PCDHGA5: variants seen among roughly 807,000 people sequenced by gnomAD.
The protein encoded by PCDHGA5 is protocadherin gamma-A5.
PCDHGA5 carries 36 observed loss-of-function variants against 56.7 expected under a neutral mutation model. The observed-to-expected ratio is 0.64, with a 90% confidence interval of 0.49 to 0.84. The LOEUF (loss-of-function observed/expected upper bound fraction) is 0.84, where lower values mean the gene tolerates loss of function less well. Ranked by LOEUF, PCDHGA5 falls within the 40% of genes least tolerant of loss-of-function variation. The pLI is 0.00. For missense variants in PCDHGA5, 1,305 were observed against 1,201.5 expected, an observed-to-expected ratio of 1.09 and a Z score of -1.27; for synonymous variants, 563 against 520.2, an observed-to-expected ratio of 1.08 and a Z score of -1.12.
rs1390441638 is a variant in PCDHGA5, at chr5:141,432,562, C to T, written c.2422-62245C>T. 1.9e-6 allele frequency: 3 copies of T among 1,613,964 alleles called. No individual in the cohort carries two copies. Among genetic ancestry groups the T allele is most frequent in the Non-Finnish European group, 2.5e-6 (3 of 1,180,004 alleles). On this transcript the variant is annotated intron_variant, in intron 1 of 3. Coordinates refer to ENST00000518069, the MANE Select transcript of PCDHGA5 (RefSeq NM_018918.3). This position sits in a 1 kb window ranked among gnomAD's most constrained non-coding sequence, Gnocchi z 6.0. ...CGGTGGACAGAGACTCCGGCCAGAA[C>T]GCCTGGCTGTCCTACCGTCTGCTCA...
intron 2 of PCDHGA5, among the ~76,000 whole-genome samples, chr5:141,498,828 G>C (rs2099786098): frequency 6.6e-6 from 1 of 152,092 alleles, no homozygotes; most frequent in Non-Finnish European, 1.5e-5. Flanking sequence ...AGCTACTCAG[G>C]AGGCTGAGGC....
intron 1 of PCDHGA5, chr5:141,426,610 C>G (rs1376781969): frequency 2.6e-6 from 1 of 382,832 alleles, no homozygotes; most frequent in Non-Finnish European, 5.3e-6. Context: ...GAGATTGTAG[C>G]AGAGAATCCT....
intron 1 of PCDHGA5, among the ~76,000 whole-genome samples, 184 bp from the exon 2 acceptor site, chr5:141,494,623 C>A (rs2099755716): frequency 6.6e-6 from 1 of 152,146 alleles, no homozygotes; most frequent in Non-Finnish European, 1.5e-5. Flanking sequence ...GTTTCTGGTA[C>A]CTCAGACCTC....
chr5:141,389,749 G>C (rs1361443182), intron 1 of PCDHGA5: 1 of 1,612,740 alleles, frequency 6.2e-7, no homozygotes, highest in South Asian at 1.1e-5. Context: ...CTGCGCACGG[G>C]CGAAGTGCGC....
chr5:141,444,281 C>T (rs1256106299), intron 1 of PCDHGA5, among the ~76,000 whole-genome samples: 1 of 146,976 alleles, frequency 6.8e-6, no homozygotes, highest in African/African-American at 2.5e-5. Context: ...AAGTGATTCT[C>T]CTGCCTCAGC....
intron 1 of PCDHGA5, among the ~76,000 whole-genome samples, chr5:141,433,809 C>A (rs913637407): frequency 5.3e-5 from 8 of 149,948 alleles, no homozygotes; most frequent in Non-Finnish European, 1.2e-4. Flanking sequence ...TGCACTCCAG[C>A]CTGGGCAACA....
rs61612330 is a variant in PCDHGA5 at position 141,454,796 on chromosome 5, A to ATTTTTTTTTTTTTTTT, written c.2422-39997_2422-39982dup. Among the ~76,000 whole-genome samples the ATTTTTTTTTTTTTTTT allele has an allele frequency of 1.2e-3, 96 of 77,456 alleles. 8 individuals are homozygous for ATTTTTTTTTTTTTTTT. The highest frequency in any genetic ancestry group is 2.0e-3 in the South Asian group (4 of 1,960). 50.8% of individuals were successfully genotyped at this position (77,456 alleles called of 152,430 possible). A position where few individuals can be genotyped will look rare whatever the true frequency, so the allele number is the denominator to read the frequency against. ...AAGGAAATAATCCTCCATGGTTCTA[A>ATTTTTTTTTTTTTTTT]TTTTTTTTTTTTTTTTTTTTTTTTT... On this transcript the variant is annotated intron_variant, in intron 1 of 3. Coordinates refer to ENST00000518069, the MANE Select transcript of PCDHGA5 (RefSeq NM_018918.3).
Position 141,432,059 on chromosome 5 carries a change from A to T in PCDHGA5, c.2422-62748A>T. On this transcript the variant is annotated intron_variant, in intron 1 of 3. Transcript: ENST00000518069. This position sits in a 1 kb window ranked among gnomAD's most constrained non-coding sequence, Gnocchi z 6.0. ...TGACCGGGGAACCCCGCCCCTATCC[A>T]CGGAAACTCATATCTCGCTGAACGT... The T allele has an allele frequency of 6.2e-7, 1 of 1,614,170 alleles. No homozygotes were observed. Among genetic ancestry groups the T allele is most frequent in the Non-Finnish European group, 8.5e-7 (1 of 1,180,030 alleles).
Position 141,511,579 on chromosome 5 carries a change from G to T in PCDHGA5, c.*406G>T. The T allele has an allele frequency of 3.6e-6, 1 of 280,798 alleles. No individual in the cohort carries two copies. Among genetic ancestry groups the T allele is most frequent in the South Asian group, 4.1e-5 (1 of 24,614 alleles). 17.4% of individuals were successfully genotyped at this position (280,798 alleles called of 1,614,324 possible). On this transcript the variant is annotated 3_prime_UTR_variant, in exon 4 of 4. Transcript: ENST00000518069. Reference sequence around the variant, plus strand: ...CCTCTTTCCCGAGTAAGGTGGTTGGGGTGTTGAAGTACCAAGTAACCTACA... The same window carrying T: ...CCTCTTTCCCGAGTAAGGTGGTTGGTGTGTTGAAGTACCAAGTAACCTACA...
rs2097403311 is a variant in PCDHGA5 at position 141,431,640 on chromosome 5, T to C, written c.2422-63167T>C. 6.2e-7 allele frequency: 1 copy of C among 1,614,094 alleles called. No individual in the cohort carries two copies. The highest frequency in any genetic ancestry group is 8.5e-7 in the Non-Finnish European group (1 of 1,180,040). On this transcript the variant is annotated intron_variant, in intron 1 of 3. Coordinates refer to ENST00000518069, the MANE Select transcript of PCDHGA5 (RefSeq NM_018918.3). This position sits in a 1 kb window ranked among gnomAD's most constrained non-coding sequence, Gnocchi z 4.8. ...GACAAGGCGGCCCAAGTTTTCAAACTAGATTGTAATTCAGGGACAATATCA... is the reference window on the plus strand; with the variant it reads ...GACAAGGCGGCCCAAGTTTTCAAACCAGATTGTAATTCAGGGACAATATCA...
At chr5:141,413,605 G>A in intron 1 of PCDHGA5, 1 of 1,613,854 alleles carries the variant, frequency 6.2e-7, no homozygotes, top group Non-Finnish European at 8.5e-7. Flanking sequence ...AAATCTAGAC[G>A]TAAAAATTAA....
rs763321545 is a variant in PCDHGA5 at position 141,389,799 on chromosome 5, C to A, written c.2421+23048C>A. 1.2e-5 allele frequency: 19 copies of A among 1,613,678 alleles called. No individual in the cohort carries two copies. The South Asian group carries it at 1.9e-4, about 16-fold the overall frequency. On this transcript the variant is annotated intron_variant, in intron 1 of 3. Transcript: ENST00000518069. ...AGGCGACAGGGACGCCGTCCGCCAG[C>A]GCCTTCTGGTCGCCGTGCGTGACGG...
At chr5:141,478,788 T>A (rs576491824) in intron 1 of PCDHGA5, 147 of 1,473,736 alleles carry the variant, frequency 1.0e-4, no homozygotes, top group Non-Finnish European at 1.3e-4. Context: ...CTAATTCACA[T>A]CCTCAGCACT....
intron 2 of PCDHGA5, among the ~76,000 whole-genome samples, chr5:141,498,039 A>G (rs2099781185): frequency 6.6e-6 from 1 of 152,264 alleles, no homozygotes; most frequent in Non-Finnish European, 1.5e-5. Flanking sequence ...CCAAATAATT[A>G]CAAAAATAAA....
chr5:141,423,253 C>G (rs750278899), intron 1 of PCDHGA5: 1 of 1,613,916 alleles, frequency 6.2e-7, no homozygotes, highest in Admixed American at 1.7e-5. Flanking sequence ...CCTGGCGGAC[C>G]TCGGCAGCCT....
Position 141,431,241 on chromosome 5 carries a change from A to T in PCDHGA5, c.2422-63566A>T. On this transcript the variant is annotated intron_variant, in intron 1 of 3. Coordinates refer to ENST00000518069, the MANE Select transcript of PCDHGA5 (RefSeq NM_018918.3). This position sits in a 1 kb window ranked among gnomAD's most constrained non-coding sequence, Gnocchi z 4.8. ...CCTCTACCCCACGCCTGGGATCCGG[A>T]TATCGGGAAGAACTCTCTGCAGAGC... The T allele has an allele frequency of 6.2e-7, 1 of 1,614,138 alleles. No individual in the cohort carries two copies. The highest frequency in any genetic ancestry group is 8.5e-7 in the Non-Finnish European group (1 of 1,180,046).
In PCDHGA5 at chr5:141,486,369, C is replaced by T; in HGVS notation, c.2422-8438C>T. 8 of 1,614,128 alleles carry T rather than the reference C, an allele frequency of 5.0e-6. No homozygotes were observed. The highest frequency in any genetic ancestry group is 6.8e-6 in the Non-Finnish European group (8 of 1,179,996). On this transcript the variant is annotated intron_variant, in intron 1 of 3. Coordinates refer to ENST00000518069, the MANE Select transcript of PCDHGA5 (RefSeq NM_018918.3). The surrounding 1 kb of genome is among the most constrained non-coding windows in gnomAD (Gnocchi z 5.0). ...GACCACTTGCCATTTGCCCTCAAGT[C>T]TGCCTTCAGGAACCAGTTCTCCCTG...
intron 1 of PCDHGA5, chr5:141,376,684 T>TTTTTGTTTTTG: frequency 2.5e-6 from 2 of 809,290 alleles, no homozygotes; most frequent in African/African-American, 1.9e-5. Flanking sequence ...TCGTTTTTTT[T>TTTTTGTTTTTG]TTTTTTTTTT....
At chr5:141,377,180 A>G (rs1032248697) in intron 1 of PCDHGA5, 4 of 152,210 alleles carry the variant, frequency 2.6e-5, no homozygotes, top group African/African-American at 9.7e-5. Flanking sequence ...TCTTCTTGGC[A>G]AACTATTTGT....
Sources: allele counts gnomAD v4.1 joint callset (sites outside exome capture counted in the v4.1 genomes callset), GRCh38; gene constraint gnomAD v4.1.1; non-coding constraint Gnocchi (gnomAD v3.1); transcripts MANE v1.5; gene names NCBI Gene and HGNC (gene_info 2026-07-23, HGNC 2026-07-21).